The following UBQLN1 variants were observed in gnomAD, a reference collection of about 807,000 sequenced individuals.
UBQLN1 encodes the protein ubiquilin 1.
A neutral mutation model predicts 65.4 loss-of-function variants in UBQLN1; 13 were observed. The observed-to-expected ratio is 0.20, with a 90% CI of 0.13 to 0.32. The LOEUF is 0.32. Ranked by LOEUF, UBQLN1 falls within the 10% of genes least tolerant of loss-of-function variation. UBQLN1 has a pLI of 1.00. For synonymous variants in UBQLN1, 267 were observed against 247.8 expected (o/e 1.08, Z -0.73); for missense variants, 561 against 724.0 (o/e 0.77, Z 2.58).
At position 83,707,850 on chromosome 9, in the gene UBQLN1, T is replaced by C; in HGVS notation, c.-171A>G. 3 of 998,202 alleles carry C rather than the reference T, an allele frequency of 3.0e-6. No homozygotes were observed. In the South Asian group the frequency reaches 5.5e-5, roughly 18 times the overall value. 61.8% of individuals were successfully genotyped at this position (998,202 alleles called of 1,614,324 possible). On this transcript the variant is annotated 5_prime_UTR_variant, in exon 1 of 11. Coordinates refer to ENST00000376395, the MANE Select transcript of UBQLN1 (RefSeq NM_013438.5). ...CGTAGCGGGTGTGGGGCCCCGGAGCTCGGTGCAGGCTCTGGCGCAGGCCCG... is the reference window on the plus strand; with the variant it reads ...CGTAGCGGGTGTGGGGCCCCGGAGCCCGGTGCAGGCTCTGGCGCAGGCCCG...
chr9:83,694,832 T>C (rs1043662994), intron 1 of UBQLN1, among the ~76,000 whole-genome samples: 8 of 152,182 alleles, frequency 5.3e-5, no homozygotes, highest in Admixed American at 2.0e-4. Context: ...AACAATGTAC[T>C]GAAGCAGGTA....
chr9:83,686,074 G>C lies in UBQLN1; in HGVS notation c.262C>G (p.Gln88Glu), dbSNP rs1832035328. Residue 88 changes from glutamine to glutamate, a missense_variant, in exon 2 of 11, where the codon CAA becomes GAA. Physicochemically the swap from Gln to Glu is conservative, Grantham distance 29. This residue lies in a region of UBQLN1 where 18 missense variants were observed against 45.1 expected (regional missense o/e 0.40). Transcript: ENST00000376395. Reference sequence around the variant, plus strand: ...ATTCCATGCTGACTCAAGGTATCTTGATCTTTCAAAATTTTTCCAGCAAAT... The same window carrying C: ...ATTCCATGCTGACTCAAGGTATCTTCATCTTTCAAAATTTTTCCAGCAAAT... ...LIFAGKILKD[Q>E]DTLSQHGIHD... is the part of the protein sequence containing the mutation. The C allele has an allele frequency of 6.2e-7, 1 of 1,603,064 alleles. No homozygotes were observed. Among genetic ancestry groups the C allele is most frequent in the Non-Finnish European group, 8.5e-7 (1 of 1,177,056 alleles).
chr9:83,704,653 T>A (rs1471749476), intron 1 of UBQLN1, among the ~76,000 whole-genome samples: 2 of 151,964 alleles, frequency 1.3e-5, no homozygotes, highest in Non-Finnish European at 2.9e-5. Flanking sequence ...GGTGAAACCC[T>A]GTCTCTACTA....
chr9:83,689,874 A>G lies in UBQLN1; in HGVS notation c.181-3719T>C, dbSNP rs193200680. Among the ~76,000 whole-genome samples, 109 of 152,312 alleles carry G rather than the reference A, an allele frequency of 7.2e-4. 1 individual carries two copies. Among genetic ancestry groups the G allele is most frequent in the Middle Eastern group, 3.4e-3 (1 of 294 alleles). On this transcript the variant is annotated intron_variant, in intron 1 of 10. Transcript: ENST00000376395. ...AAATGGCCAAGAAATTGAAACAGGA[A>G]TTTCACAAAAATGAAATCCTTTTCA...
Position 83,660,729 on chromosome 9 carries a change from T to C in UBQLN1, c.*1058A>G, listed in dbSNP as rs1831550547. 1 of 147,270 alleles carries C rather than the reference T, an allele frequency of 6.8e-6. No individual in the cohort carries two copies. The highest frequency in any genetic ancestry group is 2.5e-5 in the African/African-American group (1 of 39,938). 9.1% of individuals were successfully genotyped at this position (147,270 alleles called of 1,614,324 possible). On this transcript the variant is annotated 3_prime_UTR_variant, in exon 11 of 11. Coordinates refer to ENST00000376395, the MANE Select transcript of UBQLN1 (RefSeq NM_013438.5). ...AGCACAATATTTAACTATTTCTTAA[T>C]AGAACTACCAAAACACTTCAGAAAC...
chr9:83,665,031 C>G lies in UBQLN1; in HGVS notation c.1447G>C (p.Gly483Arg), dbSNP rs752865500. ...ATTATCTTCCCCAAATAAGCCTACCCTGGGATGAGGCCCGGGGCTTCCGTT... is the reference window on the plus strand; with the variant it reads ...ATTATCTTCCCCAAATAAGCCTACCGTGGGATGAGGCCCGGGGCTTCCGTT... ...LATEAPGLIP[G>R]FTPGLGALGS... The change falls in exon 9 of 11, where the codon GGG becomes CGG. Residue 483 changes from glycine (G) to arginine (R), a missense_variant and splice_region_variant. Coordinates refer to ENST00000376395, the MANE Select transcript of UBQLN1 (RefSeq NM_013438.5). 9.9e-6 allele frequency: 16 copies of G among 1,608,634 alleles called. No homozygotes were observed. Among genetic ancestry groups the G allele is most frequent in the Non-Finnish European group, 1.4e-5 (16 of 1,177,308 alleles).
intron 1 of UBQLN1, among the ~76,000 whole-genome samples, chr9:83,694,850 A>G (rs1410628376): frequency 2.0e-5 from 3 of 152,194 alleles, no homozygotes; most frequent in Non-Finnish European, 2.9e-5. Context: ...GTATTACACG[A>G]TATGTTAAAA....
intron 1 of UBQLN1, among the ~76,000 whole-genome samples, chr9:83,702,150 G>A (rs1832320168): frequency 6.6e-6 from 1 of 152,126 alleles, no homozygotes; most frequent in Admixed American, 6.5e-5. Context: ...AGGCTGGGGG[G>A]CCCAGGGAGA....
At chr9:83,678,408 T>A in intron 5 of UBQLN1, 33 bp downstream of exon 5, 1 of 1,585,220 alleles carries the variant, frequency 6.3e-7, no homozygotes, top group Non-Finnish European at 8.6e-7. Flanking sequence ...CAGAAGCTAC[T>A]CCTTGGCCTG....
chr9:83,707,612 G>A lies in UBQLN1; in HGVS notation c.68C>T (p.Ala23Val), dbSNP rs980064213. 4.4e-6 allele frequency: 7 copies of A among 1,592,216 alleles called. No individual in the cohort carries two copies. The highest frequency in any genetic ancestry group is 3.4e-5 in the South Asian group (3 of 88,566). ...SQDSAAGAEG[A>V]GAPAAAASAE... ...GGAGGCAGCGGCCGCGGGGGCGCCAGCACCTTCGGCTCCGGCGGCGCTATC... is the reference window on the plus strand; with the variant it reads ...GGAGGCAGCGGCCGCGGGGGCGCCAACACCTTCGGCTCCGGCGGCGCTATC... The change falls in exon 1 of 11, where the codon GCT becomes GTT. Residue 23 changes from alanine (A) to valine (V), a missense_variant. Physicochemically the swap from Ala to Val is moderately conservative, Grantham distance 64 (BLOSUM62 0). Transcript: ENST00000376395.
intron 6 of UBQLN1, among the ~76,000 whole-genome samples, chr9:83,671,051 C>A: frequency 6.6e-6 from 1 of 152,110 alleles, no homozygotes; most frequent in East Asian, 1.9e-4. Context: ...CTGCTGCCTG[C>A]AATTCCTAGG....
chr9:83,667,664 C>T (rs1030102794), intron 7 of UBQLN1: 93 of 985,190 alleles, frequency 9.4e-5, no homozygotes, highest in African/African-American at 4.5e-4. Flanking sequence ...TTGGAATTCA[C>T]TTCATTTCAT....
chr9:83,666,323 A>G, intron 8 of UBQLN1, 27 bp downstream of exon 8: 3 of 1,609,194 alleles, frequency 1.9e-6, no homozygotes, highest in Non-Finnish European at 2.6e-6. Flanking sequence ...TCATTACCCA[A>G]GATAGCTAAC....
intron 1 of UBQLN1, among the ~76,000 whole-genome samples, chr9:83,697,812 T>C (rs980142454): frequency 1.4e-5 from 2 of 143,202 alleles, no homozygotes; most frequent in African/African-American, 5.2e-5. Flanking sequence ...TTCAGCTCAC[T>C]GCAACCTCCA....
At position 83,663,936 on chromosome 9, in the gene UBQLN1, T is replaced by G. The variant is rs763031983; in HGVS notation, c.1556A>C (p.Glu519Ala). ...ENTSPTAGTT[E>A]PGHQQFIQQM... ...CTGAATAAACTGCTGATGTCCAGGT[T>G]CAGTGGTTCCTGCTGTGGGACTTGT... The change falls in exon 10 of 11, where the codon GAA (glutamate) becomes GCA (alanine). Residue 519 changes from glutamate to alanine, a missense_variant. Physicochemically the swap from Glu to Ala is moderately radical, Grantham distance 107. This residue lies in a region of UBQLN1 where 68 missense variants were observed against 62.2 expected (regional missense o/e 1.09). Transcript: ENST00000376395. The G allele has an allele frequency of 2.5e-6, 4 of 1,614,198 alleles. No individual in the cohort carries two copies. The highest frequency in any genetic ancestry group is 3.4e-6 in the Non-Finnish European group (4 of 1,180,014).
intron 6 of UBQLN1, 92 bp from the exon 7 acceptor site, chr9:83,669,419 C>T: frequency 8.4e-7 from 1 of 1,191,288 alleles, no homozygotes; most frequent in Non-Finnish European, 1.1e-6. Context: ...TGTTTAATTT[C>T]ACCAAGTACA....
intron 3 of UBQLN1, among the ~76,000 whole-genome samples, chr9:83,682,483 A>T (rs1239280972): frequency 7.6e-6 from 1 of 130,976 alleles, no homozygotes; most frequent in African/African-American, 2.8e-5. Context: ...TGCCTCTCTT[A>T]AAAAAACAAA....
chr9:83,683,814 G>A (rs1831991684), intron 2 of UBQLN1, among the ~76,000 whole-genome samples: 1 of 152,122 alleles, frequency 6.6e-6, no homozygotes, highest in African/African-American at 2.4e-5. Context: ...CTGAGGTCAG[G>A]AGTTCAAGAC....
intron 6 of UBQLN1, 119 bp downstream of exon 6, chr9:83,677,608 T>A: frequency 1.4e-6 from 1 of 718,054 alleles, no homozygotes; most frequent in Non-Finnish European, 2.2e-6. Context: ...AAAAATATAG[T>A]TTATAAAAGA....
Sources: gnomAD v4.1 joint callset for allele counts (sites outside exome capture counted in the v4.1 genomes callset) on GRCh38, gnomAD v4.1.1 for gene constraint, gnomAD v4.1.1 regional missense constraint, MANE v1.5 for transcripts, NCBI Gene and HGNC (gene_info 2026-07-23, HGNC 2026-07-21) for gene names.